GLB1L3: variants seen among roughly 807,000 people sequenced by gnomAD.
GLB1L3 encodes beta-galactosidase-1-like protein 3.
A neutral mutation model predicts 89.5 loss-of-function variants in GLB1L3; 89 were observed. The observed-to-expected ratio is 0.99, with a 90% CI of 0.84 to 1.19. The LOEUF is 1.19. Among genes scored for constraint, GLB1L3 ranks in the 50% most tolerant of loss-of-function variants. GLB1L3 has a pLI of 0.00. For synonymous variants in GLB1L3, 314 were observed against 312.3 expected (o/e 1.01, Z -0.06); for missense variants, 812 against 813.3 (o/e 1.00, Z 0.02).
chr11:134,317,362 G>C (rs1943029371), intron 18 of GLB1L3, among the ~76,000 whole-genome samples: 1 of 152,150 alleles, frequency 6.6e-6, no homozygotes, highest in Non-Finnish European at 1.5e-5. Flanking sequence ...AAAATCTGCT[G>C]ATAGTCTTAT....
chr11:134,275,874 T>C (rs1400049685), upstream of GLB1L3: 2 of 152,278 alleles, frequency 1.3e-5, no homozygotes, highest in African/African-American at 4.8e-5. Context: ...CGTGCCCTCC[T>C]CCTGGGCAGC....
chr11:134,284,145 T>C (rs1286366736), intron 6 of GLB1L3, among the ~76,000 whole-genome samples: 2 of 152,168 alleles, frequency 1.3e-5, no homozygotes, highest in African/African-American at 2.4e-5. Context: ...CTTTCCACTT[T>C]TGACATGGCA....
chr11:134,309,740 A>G lies in GLB1L3; in HGVS notation c.1076A>G (p.His359Arg). The change falls in exon 11 of 20, where the codon CAC (histidine) becomes CGC (arginine). Residue 359 changes from histidine to arginine, a missense_variant. Transcript: ENST00000431683. ...AACGGGGCCACATATTTCGGGAAGC[A>G]CTCGGGCATTGTCACCAGCTATGGC... is the stretch of plus-strand genomic sequence containing the variant. ...FMNGATYFGK[H>R]SGIVTSYDYD... 5 of 1,613,440 alleles carry G rather than the reference A, an allele frequency of 3.1e-6. No homozygotes were observed. Among genetic ancestry groups the G allele is most frequent in the Non-Finnish European group, 3.4e-6 (4 of 1,179,652 alleles).
intron 18 of GLB1L3, 71 bp downstream of exon 18, chr11:134,314,512 C>A: frequency 1.0e-6 from 1 of 958,754 alleles, no homozygotes; most frequent in Non-Finnish European, 1.6e-6. Context: ...TGAAGCAAAG[C>A]CAGCGTTCCT....
At chr11:134,306,872 T>C (rs1333761641) in intron 9 of GLB1L3, among the ~76,000 whole-genome samples, 2 of 152,226 alleles carry the variant, frequency 1.3e-5, no homozygotes, top group Non-Finnish European at 2.9e-5. Context: ...AAATTGCTGA[T>C]GGTGCTTTCC....
At chr11:134,321,400 T>A (rs951285268), downstream of GLB1L3, among the ~76,000 whole-genome samples, 1 of 151,914 alleles carries the variant, frequency 6.6e-6, no homozygotes, top group African/African-American at 2.4e-5. Flanking sequence ...AGACAAAAGA[T>A]AGTAGAAGAT....
At chr11:134,314,123 C>A in intron 17 of GLB1L3, 95 bp downstream of exon 17, 1 of 884,494 alleles carries the variant, frequency 1.1e-6, no homozygotes, top group Non-Finnish European at 1.8e-6. Flanking sequence ...AAGATAGAGA[C>A]TGAGTGATGT....
intron 6 of GLB1L3, 111 bp downstream of exon 6, chr11:134,283,956 A>G: frequency 2.9e-6 from 2 of 680,436 alleles, no homozygotes; most frequent in Non-Finnish European, 5.3e-6. Context: ...AATTGAGTTG[A>G]CTTTCTTGTA....
chr11:134,277,787 C>T lies in GLB1L3; in HGVS notation c.237C>T (p.His79=), dbSNP rs191037370. 2.5e-6 allele frequency: 4 copies of T among 1,614,096 alleles called. No homozygotes were observed. In the Admixed American group the frequency reaches 6.7e-5, roughly 27 times the overall value. Residue 79 remains histidine, a synonymous_variant, in exon 3 of 20, where the codon CAC becomes CAT. Transcript: ENST00000431683. ...AAAGCACAGGTCGGGGTAAGCCCCA[C>T]TTCACACTGGAGGGCCACAAGTTCC... ...GTESTGRGKP[H]FTLEGHKFLI...
At chr11:134,310,782 C>A in intron 12 of GLB1L3, 131 bp downstream of exon 12, 3 of 687,772 alleles carry the variant, frequency 4.4e-6, no homozygotes, top group South Asian at 1.9e-5. Flanking sequence ...CAAGGGCAAC[C>A]TTAACTTCGA....
Position 134,286,740 on chromosome 11 carries a change from G to A in GLB1L3, c.637-2058G>A, listed in dbSNP as rs190133987. On this transcript the variant is annotated intron_variant, in intron 6 of 19. Coordinates refer to ENST00000431683, the MANE Select transcript of GLB1L3 (RefSeq NM_001080407.3). Reference sequence around the variant, plus strand: ...TGCAGGGAGCCAAGATGGCGCCACCGCACTCCAGCCTGGGCGACAGAGCGA... The same window carrying A: ...TGCAGGGAGCCAAGATGGCGCCACCACACTCCAGCCTGGGCGACAGAGCGA... 3.7e-3 allele frequency among the ~76,000 whole-genome samples: 555 copies of A among 151,410 alleles called. 3 individuals are homozygous for A. The highest frequency in any genetic ancestry group is 0.013 in the African/African-American group (531 of 41,316).
intron 3 of GLB1L3, among the ~76,000 whole-genome samples, chr11:134,280,431 G>T (rs1390218890): frequency 6.6e-6 from 1 of 152,102 alleles, no homozygotes; most frequent in Admixed American, 6.5e-5. Flanking sequence ...GTTGGCTACT[G>T]GGTTCTCTAT....
intron 9 of GLB1L3, among the ~76,000 whole-genome samples, chr11:134,304,736 TTTA>T (rs1942106832): frequency 6.6e-6 from 1 of 152,190 alleles, no homozygotes; most frequent in Non-Finnish European, 1.5e-5. Flanking sequence ...ATGCTCTCCA[TTTA>T]TAGAGGTGAT....
Position 134,317,550 on chromosome 11 carries a change from G to C in GLB1L3, c.1780-1081G>C, listed in dbSNP as rs532382578. Among the ~76,000 whole-genome samples the C allele has an allele frequency of 8.5e-5, 13 of 152,204 alleles. No homozygotes were observed. The East Asian group carries it at 2.5e-3, about 29-fold the overall frequency. Reference sequence around the variant, plus strand: ...CAGTTTCTTTCTTAAATGCATTATAGTCTGAGAAGTTTATGTGAAGACTAG... The same window carrying C: ...CAGTTTCTTTCTTAAATGCATTATACTCTGAGAAGTTTATGTGAAGACTAG... On this transcript the variant is annotated intron_variant, in intron 18 of 19. Coordinates refer to ENST00000431683, the MANE Select transcript of GLB1L3 (RefSeq NM_001080407.3).
At chr11:134,307,801 C>T (rs940901553) in intron 10 of GLB1L3, among the ~76,000 whole-genome samples, 6 of 152,188 alleles carry the variant, frequency 3.9e-5, no homozygotes, top group Non-Finnish European at 8.8e-5. Context: ...CTCATCCAAA[C>T]GTGAGGATTA....
At chr11:134,323,713 A>T (rs1033762724), downstream of GLB1L3, among the ~76,000 whole-genome samples, 2 of 152,228 alleles carry the variant, frequency 1.3e-5, no homozygotes, top group African/African-American at 4.8e-5. Flanking sequence ...TCTTCAGCAC[A>T]TTCCAGCAAA....
At chr11:134,308,350 TCACCACTACCACCACCACCAC>T (rs1942404124) in intron 10 of GLB1L3, among the ~76,000 whole-genome samples, 2 of 19,370 alleles carry the variant, frequency 1.0e-4, no homozygotes, top group Non-Finnish European at 2.1e-4. Context: ...ATCATCACCA[TCACCACTACCACCACCACCAC>T]CACCACCATC....
At chr11:134,301,247 A>G (rs1436865497) in intron 9 of GLB1L3, among the ~76,000 whole-genome samples, 1 of 152,174 alleles carries the variant, frequency 6.6e-6, no homozygotes, top group South Asian at 2.1e-4. Context: ...CCAAGAAGCC[A>G]TGAATTTACA....
intron 18 of GLB1L3, 139 bp downstream of exon 18, chr11:134,314,580 C>T (rs1005445987): frequency 6.0e-6 from 4 of 670,864 alleles, no homozygotes; most frequent in Non-Finnish European, 1.1e-5. Flanking sequence ...CCAAGCCTTC[C>T]AACATTGATC....
Sources: allele counts gnomAD v4.1 joint callset (sites outside exome capture counted in the v4.1 genomes callset), GRCh38; gene constraint gnomAD v4.1.1; transcripts MANE v1.5; gene names NCBI Gene and HGNC (gene_info 2026-07-23, HGNC 2026-07-21).